Variants in RELN observed in about 807,000 individuals in gnomAD.
RELN encodes the protein reelin.
Under a neutral mutation model 427.6 loss-of-function variants are expected in RELN, and 108 were observed. That is an observed-to-expected ratio of 0.25 (90% CI 0.22 to 0.30). RELN has a LOEUF of 0.30. RELN is among the 10% of genes least tolerant of loss of function. The probability of loss-of-function intolerance (pLI) is 1.00; values close to 1 mark genes in which losing one functional copy is unlikely to be tolerated. For missense variants in RELN, 3,715 were observed against 4,302.8 expected (o/e 0.86, Z 3.82); for synonymous variants, 1,524 against 1,513.4 (o/e 1.01, Z -0.16).
intron 1 of RELN, among the ~76,000 whole-genome samples, chr7:103,937,819 C>T (rs1010592637): frequency 1.5e-4 from 23 of 152,116 alleles, no homozygotes; most frequent in African/African-American, 3.6e-4. Context: ...GTTAGCTGTT[C>T]GTGTAACACA....
At position 103,629,953 on chromosome 7, in the gene RELN, C is replaced by T. The variant is rs115167821; in HGVS notation, c.2689G>A (p.Asp897Asn). 115 of 1,603,258 alleles carry T rather than the reference C, an allele frequency of 7.2e-5. No individual in the cohort carries two copies. The highest frequency in any genetic ancestry group is 4.7e-4 in the East Asian group (21 of 44,758). The change falls in exon 20 of 65, where the codon GAC (aspartate) becomes AAC (asparagine). Residue 897 changes from aspartate to asparagine, a missense_variant. Asp to Asn is a conservative substitution (Grantham distance 23). Transcript: ENST00000428762. ...TGAAATCCTTACCAAAGGGTCCAGT[C>T]GTGGCCACAGTATGGCTGAACATTT... ...LGNVQPYCGHDWTLCFTGDSK... is the reference protein window; with the variant it reads ...LGNVQPYCGHNWTLCFTGDSK...
At chr7:103,742,408 T>C (rs1298893254) in intron 6 of RELN, among the ~76,000 whole-genome samples, 2 of 151,948 alleles carry the variant, frequency 1.3e-5, no homozygotes, top group Non-Finnish European at 2.9e-5. Context: ...GGAACAAAAC[T>C]GGATGGAGAA....
At chr7:103,630,872 TTTG>T (rs1562931062) in intron 19 of RELN, among the ~76,000 whole-genome samples, 1 of 150,128 alleles carries the variant, frequency 6.7e-6, no homozygotes, top group Non-Finnish European at 1.5e-5. Flanking sequence ...TTTTTTTTTT[TTTG>T]TTTTTTAACT....
At chr7:103,878,651 C>T (rs9656085) in intron 2 of RELN, among the ~76,000 whole-genome samples, 1 of 151,976 alleles carries the variant, frequency 6.6e-6, no homozygotes, top group Non-Finnish European at 1.5e-5. Flanking sequence ...AAAGTTAGCT[C>T]CAACAGATAT....
Position 103,515,208 on chromosome 7 carries a change from A to T in RELN, c.8096T>A (p.Met2699Lys). ...ACCTGAAGTTTTGTCTTCCATAAACATGTCAAAGGCGATCCTCCCGACAGG... is the reference window on the plus strand; with the variant it reads ...ACCTGAAGTTTTGTCTTCCATAAACTTGTCAAAGGCGATCCTCCCGACAGG... ...AGPVGRIAFD[M>K]FMEDKTSVNE... Residue 2699 changes from methionine to lysine, a missense_variant, in exon 50 of 65, where the codon ATG (methionine) becomes AAG (lysine). This residue lies in a region of RELN where 1,310 missense variants were observed against 1,643.0 expected (regional missense o/e 0.80). Coordinates refer to ENST00000428762, the MANE Select transcript of RELN (RefSeq NM_005045.4). 1 of 1,614,192 alleles carries T rather than the reference A, an allele frequency of 6.2e-7. No individual in the cohort carries two copies. The highest frequency in any genetic ancestry group is 8.5e-7 in the Non-Finnish European group (1 of 1,180,038).
intron 2 of RELN, among the ~76,000 whole-genome samples, chr7:103,850,796 C>G (rs1175827209): frequency 6.6e-6 from 1 of 152,182 alleles, no homozygotes; most frequent in African/African-American, 2.4e-5. Flanking sequence ...TACCACCTTA[C>G]TCCTGCAAGA....
chr7:103,735,750 G>C (rs1344924072), intron 6 of RELN, among the ~76,000 whole-genome samples: 1 of 152,032 alleles, frequency 6.6e-6, no homozygotes, highest in Non-Finnish European at 1.5e-5. Flanking sequence ...ATTATCATTT[G>C]AGATACATGT....
chr7:103,637,931 G>A (rs1417967572), intron 17 of RELN, among the ~76,000 whole-genome samples: 1 of 152,144 alleles, frequency 6.6e-6, no homozygotes, highest in Admixed American at 6.5e-5. Flanking sequence ...ACAAGTGACT[G>A]GGAGAAACTG....
intron 4 of RELN, among the ~76,000 whole-genome samples, chr7:103,757,596 G>T (rs934465657): frequency 6.6e-6 from 1 of 152,272 alleles, no homozygotes; most frequent in South Asian, 2.1e-4. Context: ...TAAAGAAGTG[G>T]GTTTTGGTTT....
chr7:103,744,376 A>C (rs1299312290), intron 6 of RELN, among the ~76,000 whole-genome samples: 1 of 152,062 alleles, frequency 6.6e-6, no homozygotes. Context: ...GAGCAAACAC[A>C]TTCAAAAGCT....
intron 1 of RELN, among the ~76,000 whole-genome samples, chr7:103,934,703 T>C (rs1795941761): frequency 1.3e-5 from 2 of 152,190 alleles, no homozygotes; most frequent in African/African-American, 4.8e-5. Context: ...TTCCACCTAG[T>C]GATGGAAGCA....
At chr7:103,958,206 C>A (rs1796474877) in intron 1 of RELN, among the ~76,000 whole-genome samples, 1 of 152,176 alleles carries the variant, frequency 6.6e-6, no homozygotes, top group Non-Finnish European at 1.5e-5. Flanking sequence ...GAATAAATTG[C>A]CCTTTCCTGG....
rs773680003 is a variant in RELN, at chr7:103,989,149, G to A, written c.208C>T (p.Pro70Ser). 6 of 1,614,036 alleles carry A rather than the reference G, an allele frequency of 3.7e-6. No homozygotes were observed. Among genetic ancestry groups the A allele is most frequent in the Non-Finnish European group, 5.1e-6 (6 of 1,179,972 alleles). Residue 70 changes from proline (P) to serine (S), a missense_variant, in exon 1 of 65, where the codon CCG becomes TCG. Transcript: ENST00000428762. The surrounding 1 kb of genome is among the most constrained non-coding windows in gnomAD (Gnocchi z 4.9). ...HIAGNPTYYV[P>S]GQEYHVTIST... ...TACCTACCATGGTATTCTTGTCCCGGAACGTAGTAGGTGGGGTTGCCCGCA... is the reference window on the plus strand; with the variant it reads ...TACCTACCATGGTATTCTTGTCCCGAAACGTAGTAGGTGGGGTTGCCCGCA...
intron 5 of RELN, among the ~76,000 whole-genome samples, chr7:103,751,839 C>T (rs1215132107): frequency 6.6e-6 from 1 of 152,164 alleles, no homozygotes; most frequent in African/African-American, 2.4e-5. Flanking sequence ...AAAGGAAAAG[C>T]CCAAGAGACA....
At chr7:103,808,156 G>A (rs1041981544) in intron 3 of RELN, among the ~76,000 whole-genome samples, 4 of 151,744 alleles carry the variant, frequency 2.6e-5, no homozygotes, top group Non-Finnish European at 4.4e-5. Flanking sequence ...AGAGTCTCCA[G>A]GTAATCAGCC....
intron 17 of RELN, among the ~76,000 whole-genome samples, chr7:103,638,739 G>A (rs1832635937): frequency 6.6e-6 from 1 of 152,130 alleles, no homozygotes; most frequent in South Asian, 2.1e-4. Flanking sequence ...CTCAGAAGGA[G>A]GAAAAGACTA....
intron 1 of RELN, among the ~76,000 whole-genome samples, chr7:103,934,457 C>A (rs1795935891): frequency 6.6e-6 from 1 of 152,162 alleles, no homozygotes; most frequent in Non-Finnish European, 1.5e-5. Context: ...ATCTATGTAG[C>A]CAGATGATCA....
At position 103,604,451 on chromosome 7, in the gene RELN, C is replaced by T. The variant is rs772053450; in HGVS notation, c.3041G>A (p.Ser1014Asn). The T allele has an allele frequency of 1.9e-6, 3 of 1,613,842 alleles. No homozygotes were observed. The highest frequency in any genetic ancestry group is 1.3e-5 in the African/African-American group (1 of 74,922). Residue 1014 changes from serine to asparagine, a missense_variant, in exon 23 of 65, where the codon AGC becomes AAC. By Grantham distance (46) the Ser-to-Asn change is conservative (BLOSUM62 1). Coordinates refer to ENST00000428762, the MANE Select transcript of RELN (RefSeq NM_005045.4). ...CCACTCGTCTTGAGCTGTGTAATAG[C>T]TCTGGCTCCAGCGGAAACGGGTAGC... ...SSATRFRWSQ[S>N]YYTAQDEWAL...
In RELN at chr7:103,596,645, A is replaced by C; in HGVS notation, c.3350T>G (p.Leu1117Arg). The change falls in exon 25 of 65, where the codon CTG becomes CGG. Residue 1117 changes from leucine (L) to arginine (R), a missense_variant. Around this residue, in one of 4 missense-constraint regions of RELN, gnomAD observed 2,208 missense variants for 2,361.7 expected, o/e 0.93. Transcript: ENST00000428762. The stretch of plus-strand genomic sequence containing the variant: ...AGAAGTATCCAGGTCCCAACTCACC[A>C]GCTGTCTTTTCCCAGCCTTTCAGAA... ...LYFSKAGKRQ[L>R]VSWDLDTSWV... The C allele has an allele frequency of 6.2e-7, 1 of 1,613,970 alleles. No individual in the cohort carries two copies. Among genetic ancestry groups the C allele is most frequent in the East Asian group, 2.2e-5 (1 of 44,870 alleles).
Sources: allele counts gnomAD v4.1 joint callset (sites outside exome capture counted in the v4.1 genomes callset), GRCh38; gene constraint gnomAD v4.1.1; regional missense constraint gnomAD v4.1.1; non-coding constraint Gnocchi (gnomAD v3.1); transcripts MANE v1.5; gene names NCBI Gene and HGNC (gene_info 2026-07-23, HGNC 2026-07-21).